Variants in AGMAT observed in about 807,000 individuals in gnomAD.
AGMAT encodes the protein guanidino acid hydrolase, mitochondrial.
A neutral mutation model predicts 29.3 loss-of-function variants in AGMAT; 37 were observed. The observed-to-expected ratio is 1.26, with a 90% confidence interval of 0.97 to 1.66. The LOEUF (loss-of-function observed/expected upper bound fraction) is 1.66. AGMAT is among the 40% of genes most tolerant of loss of function. The pLI is 0.00. For synonymous variants in AGMAT, 199 were observed against 200.8 expected, an observed-to-expected ratio of 0.99 and a Z score of 0.08; for missense variants, 498 against 497.8, an observed-to-expected ratio of 1.00 and a Z score of 0.00.
At chr1:15,581,995 G>A (rs1221405479) in intron 2 of AGMAT, among the ~76,000 whole-genome samples, 6 of 152,142 alleles carry the variant, frequency 3.9e-5, no homozygotes, top group Non-Finnish European at 5.9e-5. Flanking sequence ...TAGGTCGGGC[G>A]CAATGGCTCA....
chr1:15,578,496 T>C (rs1639069466), intron 4 of AGMAT, among the ~76,000 whole-genome samples: 1 of 152,032 alleles, frequency 6.6e-6, no homozygotes, highest in South Asian at 2.1e-4. Flanking sequence ...GGTTTCACCA[T>C]GTTGGCCAGG....
intron 5 of AGMAT, among the ~76,000 whole-genome samples, chr1:15,576,740 C>CTTTTTTTGTTTTTTTTTTTTTTTTTTT (rs1639044325): frequency 2.8e-5 from 1 of 35,796 alleles, no homozygotes; most frequent in Non-Finnish European, 5.0e-5. Flanking sequence ...GTTTAGTGTT[C>CTTTTTTTGTTTTTTTTTTTTTTTTTTT]TTTTTTTTTT....
intron 1 of AGMAT, among the ~76,000 whole-genome samples, chr1:15,583,931 TC>T (rs2103440817): frequency 6.6e-6 from 1 of 152,322 alleles, no homozygotes; most frequent in South Asian, 2.1e-4. Context: ...TTTTGCTTCC[TC>T]CGACTTGATC....
chr1:15,583,156 G>A (rs371919069), intron 2 of AGMAT, 37 bp downstream of exon 2: 75 of 1,595,284 alleles, frequency 4.7e-5, no homozygotes, highest in Non-Finnish European at 6.4e-5. Flanking sequence ...AACCCTGAGT[G>A]CAGGGAACTA....
Position 15,583,176 on chromosome 1 carries a change from T to C in AGMAT, c.475+17A>G. The C allele has an allele frequency of 1.2e-6, 2 of 1,613,426 alleles. No homozygotes were observed. The highest frequency in any genetic ancestry group is 1.7e-6 in the Non-Finnish European group (2 of 1,179,704). On this transcript the variant is annotated intron_variant, in intron 2 of 6. Coordinates refer to ENST00000375826, the MANE Select transcript of AGMAT (RefSeq NM_024758.5). ...TGAGTGCAGGGAACTACTCTGGCTC[T>C]TGCAGACTGACATTACCCAAGGTCA...
intron 3 of AGMAT, 56 bp from the exon 4 acceptor site, chr1:15,579,110 C>G (rs1639079450): frequency 6.4e-7 from 1 of 1,554,472 alleles, no homozygotes; most frequent in African/African-American, 1.4e-5. Flanking sequence ...CCTAGCACAG[C>G]CACCCTTCGG....
intron 1 of AGMAT, among the ~76,000 whole-genome samples, chr1:15,583,802 C>G (rs1390570800): frequency 6.6e-6 from 1 of 152,162 alleles, no homozygotes; most frequent in African/African-American, 2.4e-5. Flanking sequence ...ATGCAAAGCA[C>G]CTTGCACTTA....
At chr1:15,578,213 T>C (rs1639065455) in intron 4 of AGMAT, among the ~76,000 whole-genome samples, 1 of 152,146 alleles carries the variant, frequency 6.6e-6, no homozygotes, top group Non-Finnish European at 1.5e-5. Flanking sequence ...CATACACGTC[T>C]ATCTGAGAGC....
intron 2 of AGMAT, among the ~76,000 whole-genome samples, chr1:15,582,956 C>T (rs546031190): frequency 1.3e-5 from 2 of 152,310 alleles, no homozygotes; most frequent in East Asian, 3.9e-4. Flanking sequence ...CGAGATTGCA[C>T]CACTGCACTC....
intron 1 of AGMAT, among the ~76,000 whole-genome samples, chr1:15,583,620 C>A (rs1369892703): frequency 6.6e-6 from 1 of 152,158 alleles, no homozygotes; most frequent in African/African-American, 2.4e-5. Flanking sequence ...GCCAAATGTC[C>A]CCGGAGTGCA....
rs1638967829 is a variant in AGMAT, at chr1:15,572,425, C to T, written c.*1226G>A. On this transcript the variant is annotated 3_prime_UTR_variant, in exon 7 of 7. Transcript: ENST00000375826. ...CCCAGGCTGGAGTGTAGTGGCATGACCTCAGCTCACTGCAACCTCCACCTC... is the reference window on the plus strand; with the variant it reads ...CCCAGGCTGGAGTGTAGTGGCATGATCTCAGCTCACTGCAACCTCCACCTC... The T allele has an allele frequency of 7.7e-6, 1 of 129,580 alleles. No individual in the cohort carries two copies. The highest frequency in any genetic ancestry group is 3.0e-5 in the African/African-American group (1 of 33,254). 8.0% of individuals were successfully genotyped at this position (129,580 alleles called of 1,614,324 possible). A position where few individuals can be genotyped will look rare whatever the true frequency, so the allele number is the denominator to read the frequency against.
At chr1:15,574,904 A>T in intron 5 of AGMAT, 63 bp from the exon 6 acceptor site, 1 of 1,370,800 alleles carries the variant, frequency 7.3e-7, no homozygotes, top group Non-Finnish European at 1.0e-6. Flanking sequence ...AGCACCCAGT[A>T]GAGCTTTTCC....
chr1:15,576,363 C>A (rs1639036720), intron 5 of AGMAT, among the ~76,000 whole-genome samples: 1 of 152,130 alleles, frequency 6.6e-6, no homozygotes, highest in Non-Finnish European at 1.5e-5. Flanking sequence ...CCTTGGCCTC[C>A]CAAAGTGCTG....
intron 2 of AGMAT, among the ~76,000 whole-genome samples, chr1:15,582,524 A>T (rs966740949): frequency 1.5e-4 from 23 of 152,204 alleles, no homozygotes; most frequent in African/African-American, 5.3e-4. Flanking sequence ...CTAACTTGGC[A>T]AAAATGAATT....
chr1:15,578,836 G>T, intron 4 of AGMAT, 23 bp downstream of exon 4: 1 of 1,610,936 alleles, frequency 6.2e-7, no homozygotes, highest in Non-Finnish European at 8.5e-7. Flanking sequence ...AGGGGCAAGG[G>T]TGGGGGGCAT....
chr1:15,579,043 A>G lies in AGMAT; in HGVS notation c.536T>C (p.Val179Ala), dbSNP rs1639078576. ...GTGCGCATCCACGTGCAGCAGCCCC[A>G]CTGGGCCATGCCTGATGACAACAGG... is the stretch of plus-strand genomic sequence containing the variant. ...LQAMAKKHGP[V>A]GLLHVDAHTD... The change falls in exon 4 of 7, where the codon GTG becomes GCG. Residue 179 changes from valine (V) to alanine (A), a missense_variant. By Grantham distance (64) the Val-to-Ala change is moderately conservative. Coordinates refer to ENST00000375826, the MANE Select transcript of AGMAT (RefSeq NM_024758.5). 6.2e-7 allele frequency: 1 copy of G among 1,613,686 alleles called. No individual in the cohort carries two copies. Among genetic ancestry groups the G allele is most frequent in the Non-Finnish European group, 8.5e-7 (1 of 1,179,924 alleles).
Position 15,585,025 on chromosome 1 carries a change from G to C in AGMAT, c.-58C>G, listed in dbSNP as rs533596892. 3.4e-5 allele frequency: 43 copies of C among 1,276,882 alleles called. No homozygotes were observed. Among genetic ancestry groups the C allele is most frequent in the Admixed American group, 8.5e-5 (2 of 23,548 alleles). The allele number at this position is 1,276,882 out of a possible 1,614,324, so 79.1% of individuals were successfully genotyped here. A position where few individuals can be genotyped will look rare whatever the true frequency, so the allele number is the denominator to read the frequency against. ...CCGCCCGCGAGGCCGCCGCGATCTG[G>C]CTGGTCCCGAACGGCGAGGCGAGTG... On this transcript the variant is annotated 5_prime_UTR_variant, in exon 1 of 7. Transcript: ENST00000375826.
At chr1:15,583,749 A>C (rs143597975) in intron 1 of AGMAT, among the ~76,000 whole-genome samples, 73 of 152,290 alleles carry the variant, frequency 4.8e-4, no homozygotes, top group African/African-American at 1.7e-3. Context: ...TAATTTGTAA[A>C]ATATTTACCT....
intron 6 of AGMAT, 78 bp from the exon 7 acceptor site, chr1:15,573,802 C>T: frequency 7.7e-7 from 1 of 1,296,578 alleles, no homozygotes; most frequent in Non-Finnish European, 1.1e-6. Context: ...TCAGCTTTCT[C>T]TTCCCCTTGT....
Sources: gnomAD v4.1 joint callset for allele counts (sites outside exome capture counted in the v4.1 genomes callset) on GRCh38, gnomAD v4.1.1 for gene constraint, MANE v1.5 for transcripts, NCBI Gene and HGNC (gene_info 2026-07-23, HGNC 2026-07-21) for gene names.